Variants in ADAM10 observed in about 807,000 individuals in gnomAD.
The protein encoded by ADAM10 is ADAM metallopeptidase domain 10.
A neutral mutation model predicts 90.1 loss-of-function variants in ADAM10; 17 were observed. That is an observed-to-expected ratio of 0.19 (90% CI 0.13 to 0.28). ADAM10 has a LOEUF of 0.28. ADAM10 is among the 10% of genes least tolerant of loss of function. The pLI, the probability that ADAM10 is intolerant of heterozygous loss-of-function variation, is 1.00. For missense variants in ADAM10, 610 were observed against 914.3 expected, an observed-to-expected ratio of 0.67 and a Z score of 4.29; for synonymous variants, 310 against 298.6, an observed-to-expected ratio of 1.04 and a Z score of -0.40.
chr15:58,702,586 G>A (rs1898165904), intron 2 of ADAM10, among the ~76,000 whole-genome samples: 1 of 152,064 alleles, frequency 6.6e-6, no homozygotes, highest in Admixed American at 6.5e-5. Context: ...ACATGTACAA[G>A]TATTATGTAT....
chr15:58,600,420 TATTTC>T (rs1244332076), intron 14 of ADAM10, among the ~76,000 whole-genome samples: 7 of 152,208 alleles, frequency 4.6e-5, no homozygotes, highest in African/African-American at 1.7e-4. Flanking sequence ...TTTCCTCTTT[TATTTC>T]ATTTGGAATT....
In ADAM10 at chr15:58,589,371, G is replaced by C. The variant is rs781013089; in HGVS notation, c.*8176C>G. The C allele has an allele frequency of 2.0e-5, 3 of 152,194 alleles. No individual in the cohort carries two copies. Among genetic ancestry groups the C allele is most frequent in the African/African-American group, 4.8e-5 (2 of 41,434 alleles). The allele number at this position is 152,194 out of a possible 1,614,324, so 9.4% of individuals were successfully genotyped here. A position where few individuals can be genotyped will look rare whatever the true frequency, so the allele number is the denominator to read the frequency against. ...GGACTAGTTAGAGCAAACTTTTACC[G>C]AAACTCCAAAACTCAGGTCCAGCTT... On this transcript the variant is annotated 3_prime_UTR_variant, in exon 16 of 16. Transcript: ENST00000260408.
At chr15:58,682,129 C>T (rs982659016) in intron 3 of ADAM10, 67 bp downstream of exon 3, 2 of 1,591,608 alleles carry the variant, frequency 1.3e-6, no homozygotes, top group South Asian at 2.3e-5. Context: ...GCTTACACTT[C>T]AAAATGAGTA....
chr15:58,657,908 T>C (rs1220512022), intron 5 of ADAM10, among the ~76,000 whole-genome samples: 1 of 150,994 alleles, frequency 6.6e-6, no homozygotes, highest in Non-Finnish European at 1.5e-5. Context: ...TTTTCTTAAC[T>C]GAGTTATAAC....
chr15:58,664,957 G>T (rs2140728492), intron 5 of ADAM10, 140 bp downstream of exon 5: 7 of 704,512 alleles, frequency 9.9e-6, no homozygotes, highest in South Asian at 9.6e-5. Context: ...CACGTTACCT[G>T]GCCTCTTTGA....
intron 14 of ADAM10, among the ~76,000 whole-genome samples, chr15:58,603,829 G>A (rs1372105893): frequency 1.7e-5 from 2 of 115,540 alleles, no homozygotes; most frequent in African/African-American, 3.4e-5. Flanking sequence ...AGACAGTTTC[G>A]AAGAATACAC....
At chr15:58,639,910 T>C (rs1269609819) in intron 8 of ADAM10, among the ~76,000 whole-genome samples, 2 of 151,062 alleles carry the variant, frequency 1.3e-5, no homozygotes, top group East Asian at 2.0e-4. Context: ...AAAAAAAACA[T>C]AGAAATGAAG....
chr15:58,674,916 A>G lies in ADAM10; in HGVS notation c.484+4208T>C, dbSNP rs112983238. Among the ~76,000 whole-genome samples, 535 of 152,316 alleles carry G rather than the reference A, an allele frequency of 3.5e-3. 5 individuals carry two copies. Among genetic ancestry groups the G allele is most frequent in the African/African-American group, 0.012 (512 of 41,558 alleles). ...AGGTATAGACAAATTCAGGCCGGGC[A>G]CAGTGGCTCACGCCTGTAATCCCAA... On this transcript the variant is annotated intron_variant, in intron 4 of 15. Transcript: ENST00000260408.
chr15:58,687,630 A>G (rs539903752), intron 2 of ADAM10, among the ~76,000 whole-genome samples: 28 of 150,398 alleles, frequency 1.9e-4, no homozygotes, highest in Non-Finnish European at 3.7e-4. Flanking sequence ...AAGTTACTCA[A>G]CTATCTAACA....
chr15:58,694,823 A>T (rs1595628254), intron 2 of ADAM10, among the ~76,000 whole-genome samples: 1 of 152,052 alleles, frequency 6.6e-6, no homozygotes, highest in African/African-American at 2.4e-5. Context: ...AATTCCATTG[A>T]TATGTAATTC....
At chr15:58,651,213 G>A (rs1302288646) in intron 5 of ADAM10, among the ~76,000 whole-genome samples, 6 of 151,776 alleles carry the variant, frequency 4.0e-5, no homozygotes, top group African/African-American at 1.4e-4. Context: ...TGTTAAATGG[G>A]GCATCCATCC....
At chr15:58,702,615 T>A (rs928078909) in intron 2 of ADAM10, among the ~76,000 whole-genome samples, 8 of 152,218 alleles carry the variant, frequency 5.3e-5, no homozygotes, top group Non-Finnish European at 1.2e-4. Context: ...TTTAAAATAA[T>A]TTTTAAAACA....
chr15:58,648,881 T>C (rs932070816), intron 5 of ADAM10, among the ~76,000 whole-genome samples: 6 of 152,096 alleles, frequency 3.9e-5, no homozygotes, highest in Admixed American at 2.6e-4. Flanking sequence ...TGGCTGATAA[T>C]AGACATATTT....
chr15:58,748,948 G>C (rs1355908002), intron 1 of ADAM10: 1 of 398,612 alleles, frequency 2.5e-6, no homozygotes, highest in Non-Finnish European at 4.4e-6. Context: ...CAATACACGA[G>C]CCCAGCTGCA....
chr15:58,686,489 A>C (rs1408180596), intron 2 of ADAM10: 2 of 1,417,264 alleles, frequency 1.4e-6, no homozygotes, highest in African/African-American at 2.8e-5. Flanking sequence ...GGAGAGGATC[A>C]ATGTCTCTCA....
At chr15:58,688,600 T>A (rs767290239) in intron 2 of ADAM10, among the ~76,000 whole-genome samples, 1 of 150,712 alleles carries the variant, frequency 6.6e-6, no homozygotes, top group Non-Finnish European at 1.5e-5. Flanking sequence ...ATTGTAAATA[T>A]GTTAAAGAAT....
rs749866094 is a variant in ADAM10 at position 58,612,040 on chromosome 15, C to G, written c.1512-49G>C. 3 of 1,514,304 alleles carry G rather than the reference C, an allele frequency of 2.0e-6. No homozygotes were observed. In the South Asian group the frequency reaches 3.4e-5, roughly 17 times the overall value. The allele number at this position is 1,514,304 out of a possible 1,614,324, so 93.8% of individuals were successfully genotyped here. A position where few individuals can be genotyped will look rare whatever the true frequency, so the allele number is the denominator to read the frequency against. On this transcript the variant is annotated intron_variant, in intron 11 of 15. Coordinates refer to ENST00000260408, the MANE Select transcript of ADAM10 (RefSeq NM_001110.4). ...AACAAAGTAAATCACTAGTTATTCC[C>G]TATATACTATTAGATATTAGATTAG...
At chr15:58,623,997 A>AAAG (rs148269258) in intron 10 of ADAM10, among the ~76,000 whole-genome samples, 6 of 148,492 alleles carry the variant, frequency 4.0e-5, no homozygotes, top group Non-Finnish European at 3.0e-5. Context: ...AAAAAAAAAA[A>AAAG]GGGGGGGCCA....
In ADAM10 at chr15:58,640,765, A is replaced by G. The variant is rs142096555; in HGVS notation, c.1012+12T>C. The G allele has an allele frequency of 9.0e-5, 145 of 1,612,714 alleles. 2 individuals carry two copies. The Middle Eastern group carries it at 1.5e-3, about 17-fold the overall frequency. ...AGTAGTAAGTTAAGACATATTTAAT[A>G]TGATAAACTACCTGAAGGTGCTCCA... On this transcript the variant is annotated intron_variant, in intron 8 of 15. Coordinates refer to ENST00000260408, the MANE Select transcript of ADAM10 (RefSeq NM_001110.4).
Sources: allele counts gnomAD v4.1 joint callset (sites outside exome capture counted in the v4.1 genomes callset), GRCh38; gene constraint gnomAD v4.1.1; transcripts MANE v1.5; gene names NCBI Gene and HGNC (gene_info 2026-07-23, HGNC 2026-07-21).